The following ECT2 variants were observed in gnomAD, a reference collection of about 807,000 sequenced individuals.
ECT2 encodes the protein protein ECT2.
In ECT2, 61 loss-of-function variants were observed where a neutral mutation model predicts 116.9. The observed-to-expected ratio is 0.52, with a 90% CI of 0.42 to 0.65. The LOEUF is 0.65. Among genes scored for constraint, ECT2 ranks in the 30% least tolerant of loss-of-function variants. The pLI is 0.00. For missense variants in ECT2, 937 were observed against 1,078.7 expected (o/e 0.87, Z 1.84); for synonymous variants, 358 against 346.4 (o/e 1.03, Z -0.37).
intron 23 of ECT2, 47 bp from the exon 24 acceptor site, chr3:172,816,644 C>G (rs1190810699): frequency 6.7e-7 from 1 of 1,500,382 alleles, no homozygotes; most frequent in African/African-American, 1.4e-5. Context: ...TTCTCATCAG[C>G]TGTATTGAAT....
At chr3:172,807,602 A>T (rs1728013690) in intron 21 of ECT2, 168 bp from the exon 22 acceptor site, 1 of 687,286 alleles carries the variant, frequency 1.5e-6, no homozygotes, top group Admixed American at 3.1e-5. Context: ...TCAGTACTTC[A>T]ACTTAATATG....
At chr3:172,825,216 T>C (rs1436588310), downstream of ECT2, among the ~76,000 whole-genome samples, 1 of 152,146 alleles carries the variant, frequency 6.6e-6, no homozygotes, top group Non-Finnish European at 1.5e-5. Context: ...CATCTAAGAC[T>C]GAAAACTTTA....
intron 18 of ECT2, among the ~76,000 whole-genome samples, chr3:172,795,621 A>G (rs931831808): frequency 4.6e-5 from 7 of 152,230 alleles, no homozygotes; most frequent in Non-Finnish European, 1.0e-4. Flanking sequence ...TAATAAAAAT[A>G]ACAAAATAAT....
chr3:172,823,933 CTTT>C (rs71162315), downstream of ECT2, among the ~76,000 whole-genome samples: 705 of 126,620 alleles, frequency 5.6e-3, 5 homozygotes, highest in South Asian at 0.047. Context: ...AAGTTTTTCT[CTTT>C]TTTTTTTTTT....
At chr3:172,818,437 TA>T (rs1360076224) in intron 24 of ECT2, 1 of 594,352 alleles carries the variant, frequency 1.7e-6, no homozygotes, top group African/African-American at 2.0e-5. Flanking sequence ...TTTAGAAAAT[TA>T]ATTTATTTAT....
intron 22 of ECT2, among the ~76,000 whole-genome samples, chr3:172,808,130 A>G (rs980110338): frequency 2.0e-5 from 3 of 152,318 alleles, no homozygotes; most frequent in African/African-American, 7.2e-5. Context: ...CTTGGCTTAC[A>G]TAAGGTAGGC....
At position 172,812,366 on chromosome 3, in the gene ECT2, TC is replaced by T. The variant is rs575266159; in HGVS notation, c.2401-3237del. 2.7e-3 allele frequency among the ~76,000 whole-genome samples: 404 copies of T among 152,328 alleles called. 1 individual carries two copies. Among genetic ancestry groups the T allele is most frequent in the African/African-American group, 9.3e-3 (385 of 41,568 alleles). ...GTCATAAATGGATATTTTACCTGTT[TC>T]TAAGCTGTTTTGTAAATAGGTGACT... On this transcript the variant is annotated intron_variant, in intron 22 of 24. Transcript: ENST00000392692.
rs765193724 is a variant in ECT2 at position 172,764,406 on chromosome 3, T to G, written c.1197T>G (p.Phe399Leu). ...CAAGAGAGACAGACGTGTCACCATT[T>G]CCACCCCGTAAGCGCCCATCAGCTG... Reference protein sequence around the residue: ...QLSRETDVSPFPPRKRPSAEH... With the variant: ...QLSRETDVSPLPPRKRPSAEH... The change falls in exon 12 of 25, where the codon TTT (phenylalanine) becomes TTG (leucine). Residue 399 changes from phenylalanine (F) to leucine (L), a missense_variant. By Grantham distance (22) the Phe-to-Leu change is conservative. Coordinates refer to ENST00000392692, the MANE Select transcript of ECT2 (RefSeq NM_001258315.2). The G allele has an allele frequency of 5.6e-6, 9 of 1,614,160 alleles. No individual in the cohort carries two copies. Among genetic ancestry groups the G allele is most frequent in the Non-Finnish European group, 7.6e-6 (9 of 1,179,998 alleles).
intron 22 of ECT2, 122 bp downstream of exon 22, chr3:172,808,046 TA>T (rs1263273431): frequency 6.4e-6 from 6 of 931,210 alleles, no homozygotes; most frequent in Non-Finnish European, 7.8e-6. Context: ...TTGTGTATAT[TA>T]AAAAAACTGA....
At position 172,816,686 on chromosome 3, in the gene ECT2, T is replaced by C. The variant is rs765469424; in HGVS notation, c.2509-5T>C. 9 of 1,585,856 alleles carry C rather than the reference T, an allele frequency of 5.7e-6. No homozygotes were observed. The highest frequency in any genetic ancestry group is 7.7e-6 in the Non-Finnish European group (9 of 1,161,470). ...AGGTTTAACTAATTGTAACTTAAAC[T>C]CTAGGTTACAAGAGCATTCTCTTTC... On this transcript the variant is annotated splice_polypyrimidine_tract_variant and splice_region_variant and intron_variant, in intron 23 of 24. Transcript: ENST00000392692.
rs145888270 is a variant in ECT2 at position 172,819,541 on chromosome 3, T to G, written c.2656-607T>G. Among the ~76,000 whole-genome samples, 5 of 152,210 alleles carry G rather than the reference T, an allele frequency of 3.3e-5. No individual in the cohort carries two copies. The East Asian group carries it at 5.8e-4, about 18-fold the overall frequency. On this transcript the variant is annotated intron_variant, in intron 24 of 24. Transcript: ENST00000392692. ...AAAATATTTTTTAGAGATGGGGGTC[T>G]TGCTAAGTTGCCCAGTCTGGTCTCG... is the stretch of plus-strand genomic sequence containing the variant.
At position 172,818,800 on chromosome 3, in the gene ECT2, C is replaced by A. The variant is rs955695653; in HGVS notation, c.2656-1348C>A. ...TTGCCAACCACTAATGGAAACAAGCCTCATGAAGTTTAATGTGAGCTTATT... is the reference window on the plus strand; with the variant it reads ...TTGCCAACCACTAATGGAAACAAGCATCATGAAGTTTAATGTGAGCTTATT... On this transcript the variant is annotated intron_variant, in intron 24 of 24. Transcript: ENST00000392692. 4.0e-6 allele frequency: 5 copies of A among 1,240,918 alleles called. No individual in the cohort carries two copies. In the African/African-American group the frequency reaches 4.7e-5, roughly 12 times the overall value. 76.9% of individuals were successfully genotyped at this position (1,240,918 alleles called of 1,614,324 possible).
intron 14 of ECT2, among the ~76,000 whole-genome samples, chr3:172,781,534 T>C (rs559209922): frequency 6.6e-6 from 1 of 152,288 alleles, no homozygotes; most frequent in Admixed American, 6.5e-5. Flanking sequence ...TTAGGGCCTG[T>C]CATTTCTTGG....
chr3:172,767,789 T>G (rs1719801478), intron 12 of ECT2, among the ~76,000 whole-genome samples: 1 of 151,728 alleles, frequency 6.6e-6, no homozygotes, highest in African/African-American at 2.4e-5. Flanking sequence ...GGGAGTGTGG[T>G]GGCAGGATCT....
chr3:172,788,494 T>C (rs1724015366), intron 18 of ECT2, among the ~76,000 whole-genome samples: 1 of 152,182 alleles, frequency 6.6e-6, no homozygotes, highest in African/African-American at 2.4e-5. Flanking sequence ...AATTTACTCA[T>C]GCCCCTTGGT....
intron 22 of ECT2, among the ~76,000 whole-genome samples, chr3:172,814,443 C>T (rs892381123): frequency 2.0e-5 from 3 of 151,986 alleles, no homozygotes; most frequent in African/African-American, 7.2e-5. Context: ...AATGAATAGT[C>T]TTATAGTGCC....
chr3:172,813,962 G>A (rs1268015935), intron 22 of ECT2, among the ~76,000 whole-genome samples: 1 of 151,768 alleles, frequency 6.6e-6, no homozygotes, highest in Non-Finnish European at 1.5e-5. Context: ...AGTGTAGATA[G>A]TAATTGATTA....
the ECT2 span, chr3:172,828,667 C>G: frequency 2.9e-6 from 1 of 349,452 alleles, no homozygotes; most frequent in Non-Finnish European, 5.3e-6. Flanking sequence ...GCTTAGTACA[C>G]CCCAGCACCA....
At chr3:172,773,058 G>C (rs1276952355) in intron 13 of ECT2, among the ~76,000 whole-genome samples, 2 of 152,044 alleles carry the variant, frequency 1.3e-5, no homozygotes, top group African/African-American at 4.8e-5. Flanking sequence ...TTTAGAATCA[G>C]GTTTTCTATA....
Sources: gnomAD v4.1 joint callset for allele counts (sites outside exome capture counted in the v4.1 genomes callset) on GRCh38, gnomAD v4.1.1 for gene constraint, MANE v1.5 for transcripts, NCBI Gene and HGNC (gene_info 2026-07-23, HGNC 2026-07-21) for gene names.